Variants in TACR3 observed in about 807,000 individuals in gnomAD.
TACR3 encodes the protein tachykinin receptor 3.
A neutral mutation model predicts 35.0 loss-of-function variants in TACR3; 34 were observed. The ratio of observed to expected loss-of-function variants is 0.97; its 90% CI spans 0.74 to 1.30. The LOEUF is 1.30. Among genes scored for constraint, TACR3 ranks in the 50% most tolerant of loss-of-function variants. TACR3 has a pLI of 0.00. For synonymous variants in TACR3, 233 were observed against 221.1 expected (o/e 1.05, Z -0.48); for missense variants, 558 against 591.7 (o/e 0.94, Z 0.59).
chr4:103,626,880 T>G (rs1724903290), intron 3 of TACR3, among the ~76,000 whole-genome samples: 1 of 151,904 alleles, frequency 6.6e-6, no homozygotes, highest in African/African-American at 2.4e-5. Context: ...ATGTATTGTT[T>G]TAATTGTGGT....
intron 3 of TACR3, among the ~76,000 whole-genome samples, chr4:103,639,961 TTAA>T (rs1390015490): frequency 6.6e-6 from 1 of 152,014 alleles, no homozygotes; most frequent in Non-Finnish European, 1.5e-5. Context: ...TATCTTTTAA[TTAA>T]TAATCATAAT....
intron 1 of TACR3, among the ~76,000 whole-genome samples, chr4:103,717,446 G>C (rs1186396374): frequency 1.3e-5 from 2 of 151,982 alleles, no homozygotes; most frequent in East Asian, 3.9e-4. Context: ...TAATAAGATA[G>C]CACTAAATGA....
intron 1 of TACR3, among the ~76,000 whole-genome samples, chr4:103,695,250 C>T (rs555201349): frequency 6.6e-6 from 1 of 152,264 alleles, no homozygotes; most frequent in Admixed American, 6.5e-5. Context: ...CACAGGTCCA[C>T]TTATACGCGG....
At chr4:103,706,293 A>G (rs996336623) in intron 1 of TACR3, among the ~76,000 whole-genome samples, 2 of 152,206 alleles carry the variant, frequency 1.3e-5, no homozygotes, top group South Asian at 2.1e-4. Flanking sequence ...AGTGTTACCA[A>G]TGGAATTTTA....
intron 1 of TACR3, among the ~76,000 whole-genome samples, chr4:103,715,250 T>C (rs1198216057): frequency 1.3e-5 from 2 of 152,174 alleles, no homozygotes; most frequent in African/African-American, 4.8e-5. Flanking sequence ...AGAGAGGTGA[T>C]TGGATCATGG....
chr4:103,619,029 C>T (rs1372950162), intron 3 of TACR3, among the ~76,000 whole-genome samples: 1 of 152,086 alleles, frequency 6.6e-6, no homozygotes, highest in Non-Finnish European at 1.5e-5. Context: ...AGAATAATGC[C>T]ATCTGCAAAG....
intron 1 of TACR3, among the ~76,000 whole-genome samples, chr4:103,681,769 G>A (rs1722095781): frequency 6.6e-6 from 1 of 152,038 alleles, no homozygotes; most frequent in African/African-American, 2.4e-5. Context: ...GCATCTAACT[G>A]ACATTTATGG....
Position 103,589,405 on chromosome 4 carries a change from T to C in TACR3, c.*277A>G. On this transcript the variant is annotated 3_prime_UTR_variant, in exon 5 of 5. Transcript: ENST00000304883. Reference sequence around the variant, plus strand: ...TGTAAATGAGATAGACTGGCGAGTTTACAAGTATTTTCCTGACATATTTTT... The same window carrying C: ...TGTAAATGAGATAGACTGGCGAGTTCACAAGTATTTTCCTGACATATTTTT... The C allele has an allele frequency of 2.6e-6, 1 of 384,704 alleles. No individual in the cohort carries two copies. The highest frequency in any genetic ancestry group is 2.0e-5 in the African/African-American group (1 of 49,758). The allele number at this position is 384,704 out of a possible 1,614,324, so 23.8% of individuals were successfully genotyped here.
chr4:103,688,166 C>A lies in TACR3; in HGVS notation c.549-29763G>T, dbSNP rs372358966. Among the ~76,000 whole-genome samples the A allele has an allele frequency of 7.3e-3, 1,112 of 151,886 alleles. 16 individuals are homozygous for A. Among genetic ancestry groups the A allele is most frequent in the African/African-American group, 0.026 (1,063 of 41,304 alleles). On this transcript the variant is annotated intron_variant, in intron 1 of 4. Coordinates refer to ENST00000304883, the MANE Select transcript of TACR3 (RefSeq NM_001059.3). Reference sequence around the variant, plus strand: ...ATGGGGAAAGGATTCCCTATTTAATCAATGGTGCTGGGAAAACTGGCTAGC... The same window carrying A: ...ATGGGGAAAGGATTCCCTATTTAATAAATGGTGCTGGGAAAACTGGCTAGC...
intron 3 of TACR3, among the ~76,000 whole-genome samples, chr4:103,628,644 G>C (rs1724968961): frequency 6.6e-6 from 1 of 152,154 alleles, no homozygotes; most frequent in East Asian, 1.9e-4. Context: ...CTCTGAAATT[G>C]AGGCAATAAT....
intron 3 of TACR3, among the ~76,000 whole-genome samples, chr4:103,616,897 A>G (rs1724672456): frequency 6.6e-6 from 1 of 152,296 alleles, no homozygotes; most frequent in South Asian, 2.1e-4. Flanking sequence ...GCAGTGAGCC[A>G]TGATCAGGCC....
At chr4:103,658,802 G>A (rs534490412) in intron 1 of TACR3, among the ~76,000 whole-genome samples, 1 of 152,210 alleles carries the variant, frequency 6.6e-6, no homozygotes, top group African/African-American at 2.4e-5. Flanking sequence ...GGGAGCGATG[G>A]TGTGGGGATG....
At chr4:103,591,765 C>A in intron 3 of TACR3, 82 bp from the exon 4 acceptor site, 1 of 1,329,200 alleles carries the variant, frequency 7.5e-7, no homozygotes, top group Non-Finnish European at 1.0e-6. Context: ...GCTTTTCTGC[C>A]AATACAGTTA....
At chr4:103,675,264 A>G (rs1254566530) in intron 1 of TACR3, among the ~76,000 whole-genome samples, 1 of 152,124 alleles carries the variant, frequency 6.6e-6, no homozygotes, top group Non-Finnish European at 1.5e-5. Flanking sequence ...TTTCTTCACA[A>G]TATCTCCAAA....
At chr4:103,678,012 C>T (rs909198657) in intron 1 of TACR3, among the ~76,000 whole-genome samples, 14 of 151,964 alleles carry the variant, frequency 9.2e-5, no homozygotes, top group African/African-American at 3.4e-4. Flanking sequence ...CAACAGAAAC[C>T]TGTTTCATCA....
At chr4:103,626,736 T>C (rs1278988854) in intron 3 of TACR3, among the ~76,000 whole-genome samples, 7 of 152,260 alleles carry the variant, frequency 4.6e-5, no homozygotes, top group African/African-American at 1.4e-4. Flanking sequence ...TCAGTATAGT[T>C]TAAGGTTAAG....
chr4:103,701,843 C>T (rs1461197096), intron 1 of TACR3, among the ~76,000 whole-genome samples: 7 of 152,024 alleles, frequency 4.6e-5, no homozygotes, highest in Non-Finnish European at 1.0e-4. Flanking sequence ...AACTGGCTAG[C>T]CATATGTAGA....
intron 1 of TACR3, among the ~76,000 whole-genome samples, chr4:103,688,744 AAAC>A (rs796843822): frequency 0.031 from 4,752 of 151,730 alleles, 168 homozygotes; most frequent in African/African-American, 0.11. Flanking sequence ...AAAAGTCAGG[AAAC>A]AACAGGTGCT....
chr4:103,644,259 A>G (rs1458258168), intron 3 of TACR3, among the ~76,000 whole-genome samples: 1 of 151,794 alleles, frequency 6.6e-6, no homozygotes, highest in African/African-American at 2.4e-5. Flanking sequence ...ATTAGCAAAG[A>G]GCTATTAGTT....
Sources: allele counts gnomAD v4.1 joint callset (sites outside exome capture counted in the v4.1 genomes callset), GRCh38; gene constraint gnomAD v4.1.1; transcripts MANE v1.5; gene names NCBI Gene and HGNC (gene_info 2026-07-23, HGNC 2026-07-21).